The following PIK3CB variants were observed in gnomAD, a reference collection of about 807,000 sequenced individuals.
The protein encoded by PIK3CB is phosphatidylinositol 4,5-bisphosphate 3-kinase catalytic subunit beta isoform.
In PIK3CB, 39 loss-of-function variants were observed where a neutral mutation model predicts 136.8. That is an observed-to-expected ratio of 0.29 (90% CI 0.22 to 0.37). The LOEUF is 0.37. Ranked by LOEUF, PIK3CB falls within the 10% of genes least tolerant of loss-of-function variation. The pLI, the probability that PIK3CB is intolerant of heterozygous loss-of-function variation, is 1.00. For synonymous variants in PIK3CB, 428 were observed against 436.6 expected (o/e 0.98, Z 0.25); for missense variants, 868 against 1,275.4 (o/e 0.68, Z 4.87).
intron 1 of PIK3CB, among the ~76,000 whole-genome samples, chr3:138,830,102 T>G (rs1933956576): frequency 6.6e-6 from 1 of 152,226 alleles, no homozygotes; most frequent in African/African-American, 2.4e-5. Flanking sequence ...CATTAGAATG[T>G]TTTGAACTCA....
rs1261442491 is a variant in PIK3CB at position 138,681,953 on chromosome 3, A to G, written c.2504+14T>C. ...AGACATTAGACTGAAAAAAAAAAAAAGACTAGATCTCACCGAAGATCCAAA... is the reference window on the plus strand; with the variant it reads ...AGACATTAGACTGAAAAAAAAAAAAGGACTAGATCTCACCGAAGATCCAAA... On this transcript the variant is annotated intron_variant, in intron 19 of 23. Transcript: ENST00000674063. 5 of 1,548,914 alleles carry G rather than the reference A, an allele frequency of 3.2e-6. No individual in the cohort carries two copies. The Admixed American group carries it at 1.0e-4, about 31-fold the overall frequency.
intron 8 of PIK3CB, among the ~76,000 whole-genome samples, chr3:138,727,815 T>C (rs1172527911): frequency 6.6e-6 from 1 of 152,162 alleles, no homozygotes; most frequent in African/African-American, 2.4e-5. Context: ...CTGTCTACCA[T>C]ACCCATTAAA....
At chr3:138,736,021 T>C (rs2108648927) in intron 6 of PIK3CB, among the ~76,000 whole-genome samples, 2 of 152,304 alleles carry the variant, frequency 1.3e-5, no homozygotes, top group South Asian at 4.1e-4. Flanking sequence ...AACACATACA[T>C]GCTTCTGTTT....
chr3:138,812,400 C>T (rs1933114087), intron 1 of PIK3CB, among the ~76,000 whole-genome samples: 1 of 151,702 alleles, frequency 6.6e-6, no homozygotes, highest in Non-Finnish European at 1.5e-5. Flanking sequence ...CCACTCCTGG[C>T]TAATTTTTGT....
At chr3:138,768,982 G>T (rs1291371638) in intron 2 of PIK3CB, among the ~76,000 whole-genome samples, 2 of 152,170 alleles carry the variant, frequency 1.3e-5, no homozygotes, top group African/African-American at 4.8e-5. Context: ...GGAGAGAAGG[G>T]GCTGGGGGGC....
chr3:138,715,396 T>C (rs979135159), intron 8 of PIK3CB, among the ~76,000 whole-genome samples: 7 of 152,204 alleles, frequency 4.6e-5, no homozygotes, highest in African/African-American at 1.7e-4. Context: ...AAAGTAGAGC[T>C]AAAAACAGTA....
chr3:138,729,666 T>C (rs2044926889), intron 8 of PIK3CB, among the ~76,000 whole-genome samples: 2 of 152,142 alleles, frequency 1.3e-5, no homozygotes, highest in South Asian at 2.1e-4. Context: ...AGCCTTCAGA[T>C]AGGAACTACA....
intron 5 of PIK3CB, 149 bp from the exon 6 acceptor site, chr3:138,738,035 A>G: frequency 4.6e-6 from 2 of 438,454 alleles, no homozygotes; most frequent in South Asian, 5.1e-5. Flanking sequence ...ATGCATATTT[A>G]GAATGTAGAC....
rs577649592 is a variant in PIK3CB, at chr3:138,690,725, A to C, written c.2036+275T>G. The stretch of plus-strand genomic sequence containing the variant: ...ATCAAGCAGGTAGAAAACACACACA[A>C]AAAAAAAAAAAAGAAAGGAAGGAAG... On this transcript the variant is annotated intron_variant, in intron 15 of 23. Coordinates refer to ENST00000674063, the MANE Select transcript of PIK3CB (RefSeq NM_006219.3). Among the ~76,000 whole-genome samples the C allele has an allele frequency of 1.6e-3, 231 of 141,672 alleles. 2 individuals are homozygous for C. The highest frequency in any genetic ancestry group is 3.9e-3 in the South Asian group (18 of 4,654). 92.9% of individuals were successfully genotyped at this position (141,672 alleles called of 152,430 possible).
chr3:138,777,596 A>C (rs1000825558), intron 2 of PIK3CB, among the ~76,000 whole-genome samples: 1 of 152,146 alleles, frequency 6.6e-6, no homozygotes, highest in Non-Finnish European at 1.5e-5. Flanking sequence ...GCCCCATCCA[A>C]TTCCTGACTG....
chr3:138,807,429 C>T (rs1044492136), intron 1 of PIK3CB, among the ~76,000 whole-genome samples: 1 of 151,808 alleles, frequency 6.6e-6, no homozygotes, highest in African/African-American at 2.4e-5. Context: ...GTGAAACTGT[C>T]TCAAAAAAAT....
intron 16 of PIK3CB, among the ~76,000 whole-genome samples, chr3:138,687,236 A>G (rs971393576): frequency 3.9e-5 from 6 of 152,180 alleles, no homozygotes; most frequent in African/African-American, 1.2e-4. Context: ...ATCAAAAAAA[A>G]AAAAAAACAG....
In PIK3CB at chr3:138,714,547, A is replaced by C; in HGVS notation, c.1223T>G (p.Leu408Trp). ...TGATTTCTTCGTTTTTACTTTATCC[A>C]AAACTGCATAAACAGCAAAACATAA... ...ARLCFAVYAVLDKVKTKKSTK... is the reference protein window; with the variant it reads ...ARLCFAVYAVWDKVKTKKSTK... The change falls in exon 9 of 24, where the codon TTG becomes TGG. Residue 408 changes from leucine to tryptophan, a missense_variant. Leu to Trp is a moderately conservative substitution (Grantham distance 61). Coordinates refer to ENST00000674063, the MANE Select transcript of PIK3CB (RefSeq NM_006219.3). 1 of 1,612,724 alleles carries C rather than the reference A, an allele frequency of 6.2e-7. No individual in the cohort carries two copies. The highest frequency in any genetic ancestry group is 8.5e-7 in the Non-Finnish European group (1 of 1,178,724).
chr3:138,747,069 T>C (rs1303051720), intron 4 of PIK3CB, among the ~76,000 whole-genome samples: 1 of 34,516 alleles, frequency 2.9e-5, no homozygotes, highest in African/African-American at 1.4e-4. Flanking sequence ...TATATATATA[T>C]ATATATATAT....
chr3:138,819,372 A>G (rs1933464403), intron 1 of PIK3CB, among the ~76,000 whole-genome samples: 1 of 152,080 alleles, frequency 6.6e-6, no homozygotes, highest in African/African-American at 2.4e-5. Flanking sequence ...ATCACTACCA[A>G]CATATGCCAC....
Position 138,764,089 on chromosome 3 carries a change from C to T in PIK3CB, c.-16-4730G>A, listed in dbSNP as rs560427593. On this transcript the variant is annotated intron_variant, in intron 2 of 23. Coordinates refer to ENST00000674063, the MANE Select transcript of PIK3CB (RefSeq NM_006219.3). Reference sequence around the variant, plus strand: ...TCGCACCACTGCACTCCAGCCTGGGCGACAGGGCAAGACTCCATCTCCAAA... The same window carrying T: ...TCGCACCACTGCACTCCAGCCTGGGTGACAGGGCAAGACTCCATCTCCAAA... Among the ~76,000 whole-genome samples, 7 of 144,286 alleles carry T rather than the reference C, an allele frequency of 4.9e-5. No homozygotes were observed. The East Asian group carries it at 6.1e-4, about 13-fold the overall frequency. The allele number at this position is 144,286 out of a possible 152,430, so 94.7% of individuals were successfully genotyped here.
intron 10 of PIK3CB, 63 bp from the exon 11 acceptor site, chr3:138,707,352 T>C (rs1335827841): frequency 1.4e-5 from 21 of 1,528,302 alleles, no homozygotes; most frequent in Non-Finnish European, 1.7e-5. Context: ...TTAAAAAAGC[T>C]GTAATGGATC....
intron 1 of PIK3CB, among the ~76,000 whole-genome samples, chr3:138,827,706 C>T (rs1318327205): frequency 1.3e-5 from 2 of 150,854 alleles, no homozygotes; most frequent in South Asian, 2.1e-4. Flanking sequence ...AAGGCCGGGC[C>T]CGGGGGCTCA....
At chr3:138,725,162 A>G (rs1359523046) in intron 8 of PIK3CB, among the ~76,000 whole-genome samples, 2 of 151,934 alleles carry the variant, frequency 1.3e-5, no homozygotes, top group Non-Finnish European at 2.9e-5. Flanking sequence ...CATGTAAGAA[A>G]TATGCATTTA....
Sources: gnomAD v4.1 joint callset for allele counts (sites outside exome capture counted in the v4.1 genomes callset) on GRCh38, gnomAD v4.1.1 for gene constraint, MANE v1.5 for transcripts, NCBI Gene and HGNC (gene_info 2026-07-23, HGNC 2026-07-21) for gene names.